Variants in MYOM1 observed in about 807,000 individuals in gnomAD.
MYOM1 encodes the protein myomesin 1.
A neutral mutation model predicts 205.3 loss-of-function variants in MYOM1; 164 were observed. That is an observed-to-expected ratio of 0.80 (90% CI 0.70 to 0.91). The LOEUF is 0.91. MYOM1 is among the 40% of genes least tolerant of loss of function. MYOM1 has a pLI of 0.00. For missense variants in MYOM1, 2,011 were observed against 2,127.3 expected (o/e 0.95, Z 1.08); for synonymous variants, 772 against 789.4 (o/e 0.98, Z 0.37).
At chr18:3,187,992 C>T (rs1336877845) in intron 4 of MYOM1, among the ~76,000 whole-genome samples, 1 of 151,406 alleles carries the variant, frequency 6.6e-6, no homozygotes, top group African/African-American at 2.4e-5. Flanking sequence ...GCATGCACCA[C>T]CATGCCTGGC....
At chr18:3,081,749 G>A (rs1213905375) in intron 33 of MYOM1, among the ~76,000 whole-genome samples, 1 of 152,090 alleles carries the variant, frequency 6.6e-6, no homozygotes, top group African/African-American at 2.4e-5. Context: ...CAGAACAAAG[G>A]AATAAGCCCC....
chr18:3,212,278 G>C (rs2081199961), intron 2 of MYOM1, among the ~76,000 whole-genome samples: 1 of 152,098 alleles, frequency 6.6e-6, no homozygotes, highest in South Asian at 2.1e-4. Context: ...TAGTAGGAAG[G>C]AAAAAGTAAT....
intron 29 of MYOM1, among the ~76,000 whole-genome samples, chr18:3,088,163 A>G (rs2079177363): frequency 6.6e-6 from 1 of 152,180 alleles, no homozygotes; most frequent in Non-Finnish European, 1.5e-5. Flanking sequence ...GAGGAAGGCC[A>G]TCACAGGACA....
intron 11 of MYOM1, among the ~76,000 whole-genome samples, chr18:3,153,264 G>C (rs2080245668): frequency 6.6e-6 from 1 of 152,190 alleles, no homozygotes; most frequent in African/African-American, 2.4e-5. Context: ...GCTCACATCT[G>C]AATTCTAGTT....
At chr18:3,241,122 G>T in the MYOM1 span, among the ~76,000 whole-genome samples, 1 of 152,206 alleles carries the variant, frequency 6.6e-6, no homozygotes, top group Admixed American at 6.5e-5. Context: ...CAATAGAAAA[G>T]AAAATTCCAT....
chr18:3,075,841 A>T (rs2079016307), intron 34 of MYOM1, 80 bp from the exon 35 acceptor site: 1 of 1,286,118 alleles, frequency 7.8e-7, no homozygotes, highest in Non-Finnish European at 1.1e-6. Flanking sequence ...TCACAACTGG[A>T]GATTGCTGTG....
At chr18:3,092,217 G>T (rs2079235457) in intron 26 of MYOM1, among the ~76,000 whole-genome samples, 1 of 152,090 alleles carries the variant, frequency 6.6e-6, no homozygotes, top group Non-Finnish European at 1.5e-5. Flanking sequence ...TCTTTTTAGA[G>T]ATAGGGTCTC....
intron 19 of MYOM1, among the ~76,000 whole-genome samples, chr18:3,120,961 CAA>C (rs1031296629): frequency 2.0e-5 from 3 of 151,850 alleles, no homozygotes; most frequent in Non-Finnish European, 4.4e-5. Context: ...ATGTGACCGA[CAA>C]GAGATGGAAA....
chr18:3,112,331 G>A lies in MYOM1; in HGVS notation c.3385C>T (p.Leu1129Phe). 1 of 1,613,024 alleles carries A rather than the reference G, an allele frequency of 6.2e-7. No individual in the cohort carries two copies. The highest frequency in any genetic ancestry group is 1.1e-5 in the South Asian group (1 of 90,982). ...NQAGVGKPSD[L>F]AGPVVAETRP... is the part of the protein sequence containing the mutation. ...GTCTCTGCCACAACAGGGCCAGCAA[G>A]GTCAGATGGCTTCCCAACTCCCGCC... Residue 1129 changes from leucine to phenylalanine, a missense_variant, in exon 22 of 38, where the codon CTT (leucine) becomes TTT (phenylalanine). Transcript: ENST00000356443.
At chr18:3,193,578 T>A (rs1407130844) in intron 3 of MYOM1, among the ~76,000 whole-genome samples, 1 of 152,102 alleles carries the variant, frequency 6.6e-6, no homozygotes, top group Non-Finnish European at 1.5e-5. Context: ...AAGTCCCTTT[T>A]AACACAGTTA....
chr18:3,090,991 G>C (rs375204366), intron 26 of MYOM1, among the ~76,000 whole-genome samples, 189 bp from the exon 27 acceptor site: 31 of 152,184 alleles, frequency 2.0e-4, no homozygotes, highest in African/African-American at 7.5e-4. Context: ...AGAACAGCCT[G>C]AGCAGCAAAG....
upstream of MYOM1, among the ~76,000 whole-genome samples, chr18:3,221,146 G>A (rs1487269157): frequency 6.6e-6 from 1 of 151,846 alleles, no homozygotes; most frequent in East Asian, 1.9e-4. Context: ...TCAGCCTCCC[G>A]AGTAGCTACA....
intron 26 of MYOM1, among the ~76,000 whole-genome samples, chr18:3,092,153 A>G (rs2079234769): frequency 6.6e-6 from 1 of 152,102 alleles, no homozygotes; most frequent in East Asian, 1.9e-4. Context: ...TCAATTAATA[A>G]ATATCTGCTG....
At chr18:3,148,892 TG>T (rs2080176157) in intron 13 of MYOM1, among the ~76,000 whole-genome samples, 1 of 146,114 alleles carries the variant, frequency 6.8e-6, no homozygotes, top group Non-Finnish European at 1.5e-5. Context: ...GATGGTTTCA[TG>T]GGTATATACA....
the MYOM1 span, among the ~76,000 whole-genome samples, chr18:3,227,856 G>T: frequency 6.6e-6 from 1 of 152,130 alleles, no homozygotes; most frequent in Non-Finnish European, 1.5e-5. Context: ...GTAGAGATGT[G>T]TAATGGCGAT....
chr18:3,083,427 C>CTTTTTTTTTTTTTT (rs35959808), intron 33 of MYOM1, among the ~76,000 whole-genome samples: 110 of 98,546 alleles, frequency 1.1e-3, no homozygotes, highest in Non-Finnish European at 1.5e-3. Flanking sequence ...TTTTCTTTTT[C>CTTTTTTTTTTTTTT]TTTTTTTTTT....
chr18:3,195,104 C>T (rs1400460715), intron 2 of MYOM1, among the ~76,000 whole-genome samples: 4 of 152,100 alleles, frequency 2.6e-5, no homozygotes, highest in Admixed American at 6.6e-5. Flanking sequence ...ATTACCTAAT[C>T]AAAAGCAGAA....
rs545881746 is a variant in MYOM1 at position 3,075,489 on chromosome 18, G to T, written c.4686-13C>A. On this transcript the variant is annotated splice_polypyrimidine_tract_variant and intron_variant, in intron 35 of 37. Transcript: ENST00000356443. Reference sequence around the variant, plus strand: ...AATGGCAGCTTGTCTGTGGTTGAGAGAAACGAACAAACAGACGAAGAATTT... The same window carrying T: ...AATGGCAGCTTGTCTGTGGTTGAGATAAACGAACAAACAGACGAAGAATTT... 4.5e-6 allele frequency: 7 copies of T among 1,540,022 alleles called. No individual in the cohort carries two copies. Among genetic ancestry groups the T allele is most frequent in the East Asian group, 2.4e-5 (1 of 42,512 alleles).
chr18:3,223,831 C>T (rs1170142844), upstream of MYOM1, among the ~76,000 whole-genome samples: 4 of 152,094 alleles, frequency 2.6e-5, no homozygotes, highest in Admixed American at 2.6e-4. Context: ...TGAAAATAAC[C>T]CAGAAAGGTA....
Sources: allele counts gnomAD v4.1 joint callset (sites outside exome capture counted in the v4.1 genomes callset), GRCh38; gene constraint gnomAD v4.1.1; transcripts MANE v1.5; gene names NCBI Gene and HGNC (gene_info 2026-07-23, HGNC 2026-07-21).